LINGO2: variants seen among roughly 807,000 people sequenced by gnomAD.
LINGO2 encodes leucine-rich repeat and immunoglobulin-like domain-containing nogo receptor-interacting protein 2.
Under a neutral mutation model 30.6 loss-of-function variants are expected in LINGO2, and 14 were observed. That is an observed-to-expected ratio of 0.46 (90% CI 0.30 to 0.72). The LOEUF (loss-of-function observed/expected upper bound fraction) is 0.72. Ranked by LOEUF, LINGO2 falls within the 30% of genes least tolerant of loss-of-function variation. LINGO2 has a pLI of 0.07. For synonymous variants in LINGO2, 317 were observed against 288.5 expected (o/e 1.10, Z -1.00); for missense variants, 729 against 751.7 (o/e 0.97, Z 0.35).
chr9:29,087,313 A>G, the LINGO2 span, among the ~76,000 whole-genome samples: 1,290 of 152,324 alleles, frequency 8.5e-3, 22 homozygotes, highest in African/African-American at 0.03. Context: ...AAGGGTTAAA[A>G]TATTAAATGA....
intron 4 of LINGO2, among the ~76,000 whole-genome samples, chr9:28,017,490 AT>A (rs940171841): frequency 1.3e-5 from 2 of 152,264 alleles, no homozygotes; most frequent in South Asian, 2.1e-4. Context: ...ATTCAGCAAA[AT>A]TTCAGGATAC....
chr9:28,371,643 C>T (rs911229163), intron 3 of LINGO2, among the ~76,000 whole-genome samples: 4 of 152,170 alleles, frequency 2.6e-5, no homozygotes, highest in African/African-American at 9.6e-5. Context: ...CACTGCAGGG[C>T]TACGCTGTAC....
the LINGO2 span, among the ~76,000 whole-genome samples, chr9:29,114,263 A>G: frequency 2.6e-5 from 4 of 151,836 alleles, no homozygotes; most frequent in South Asian, 4.2e-4. Context: ...TGTCCAAAAC[A>G]ATATTGAGTG....
At chr9:29,146,756 G>T in the LINGO2 span, among the ~76,000 whole-genome samples, 1 of 152,110 alleles carries the variant, frequency 6.6e-6, no homozygotes, top group Non-Finnish European at 1.5e-5. Flanking sequence ...ATAATGGACT[G>T]TCAAAGTGGA....
the LINGO2 span, among the ~76,000 whole-genome samples, chr9:29,042,325 C>T: frequency 1.8e-4 from 28 of 152,026 alleles, no homozygotes; most frequent in East Asian, 3.9e-4. Context: ...CTTGCAACCC[C>T]GAAATTGCAC....
At chr9:28,941,762 T>G in the LINGO2 span, among the ~76,000 whole-genome samples, 1 of 152,312 alleles carries the variant, frequency 6.6e-6, no homozygotes, top group South Asian at 2.1e-4. Context: ...CTATATATTT[T>G]ATTTATGCTT....
intron 4 of LINGO2, among the ~76,000 whole-genome samples, chr9:28,106,425 T>C (rs747847293): frequency 1.3e-5 from 2 of 152,172 alleles, no homozygotes; most frequent in Admixed American, 1.3e-4. Flanking sequence ...TTTGATTGCC[T>C]TCTCTCCCCT....
At chr9:29,110,964 C>T in the LINGO2 span, among the ~76,000 whole-genome samples, 15 of 152,026 alleles carry the variant, frequency 9.9e-5, no homozygotes, top group Non-Finnish European at 1.6e-4. Flanking sequence ...GCTGGAATTA[C>T]AGGCGTGAGC....
the LINGO2 span, among the ~76,000 whole-genome samples, chr9:28,683,581 C>A: frequency 6.6e-6 from 1 of 151,964 alleles, no homozygotes; most frequent in East Asian, 1.9e-4. Flanking sequence ...ACAATATTTA[C>A]CTGTTAATCA....
At chr9:28,956,489 T>C in the LINGO2 span, among the ~76,000 whole-genome samples, 1 of 152,094 alleles carries the variant, frequency 6.6e-6, no homozygotes, top group Non-Finnish European at 1.5e-5. Flanking sequence ...CACACTGGTA[T>C]TTCCCAGACT....
chr9:29,021,387 G>A, the LINGO2 span, among the ~76,000 whole-genome samples: 80 of 152,244 alleles, frequency 5.3e-4, no homozygotes, highest in African/African-American at 1.8e-3. Context: ...GGCCAGGTGC[G>A]GTGGCTAACG....
At chr9:28,289,537 C>T (rs1050081552) in intron 4 of LINGO2, among the ~76,000 whole-genome samples, 27 of 152,268 alleles carry the variant, frequency 1.8e-4, no homozygotes, top group African/African-American at 6.3e-4. Context: ...AAAGAAAGTG[C>T]ATATCTCACA....
At chr9:28,086,284 T>C (rs1212271471) in intron 4 of LINGO2, among the ~76,000 whole-genome samples, 1 of 152,044 alleles carries the variant, frequency 6.6e-6, no homozygotes, top group African/African-American at 2.4e-5. Flanking sequence ...AATGAAAAGA[T>C]GACGCTGATT....
downstream of LINGO2, among the ~76,000 whole-genome samples, chr9:27,946,176 A>G (rs1013933825): frequency 3.3e-5 from 5 of 152,144 alleles, no homozygotes; most frequent in Non-Finnish European, 7.4e-5. Context: ...AAGATAAACA[A>G]TATTAAACAG....
chr9:28,243,469 A>AAAAAGAAG (rs61010611), intron 4 of LINGO2, among the ~76,000 whole-genome samples: 10 of 145,154 alleles, frequency 6.9e-5, no homozygotes, highest in African/African-American at 2.3e-4. Flanking sequence ...AAAAATAAAA[A>AAAAAGAAG]AAGAAGAAGA....
chr9:28,561,129 T>A (rs747213900), intron 1 of LINGO2, among the ~76,000 whole-genome samples: 1 of 152,080 alleles, frequency 6.6e-6, no homozygotes, highest in Non-Finnish European at 1.5e-5. Context: ...ACGATACTTA[T>A]CAGTACCCTT....
the LINGO2 span, among the ~76,000 whole-genome samples, chr9:29,084,204 T>C: frequency 6.6e-6 from 1 of 152,124 alleles, no homozygotes. Context: ...AAAAATGTGG[T>C]TGAAATTTTA....
intron 1 of LINGO2, among the ~76,000 whole-genome samples, chr9:28,587,063 A>G (rs1035730743): frequency 6.6e-6 from 1 of 152,008 alleles, no homozygotes; most frequent in Non-Finnish European, 1.5e-5. Flanking sequence ...TCCCGCACTC[A>G]GTTTCCAGAA....
At chr9:28,473,599 CT>C (rs1226798020) in intron 2 of LINGO2, among the ~76,000 whole-genome samples, 2 of 152,036 alleles carry the variant, frequency 1.3e-5, no homozygotes, top group African/African-American at 2.4e-5. Flanking sequence ...AAAGTAATCA[CT>C]TTTTCTGTAG....
Sources: gnomAD v4.1 joint callset for allele counts (sites outside exome capture counted in the v4.1 genomes callset) on GRCh38, gnomAD v4.1.1 for gene constraint, MANE v1.5 for transcripts, NCBI Gene and HGNC (gene_info 2026-07-23, HGNC 2026-07-21) for gene names.